EDN1: variants seen among roughly 807,000 people sequenced by gnomAD.
The protein encoded by EDN1 is endothelin-1.
A neutral mutation model predicts 21.7 loss-of-function variants in EDN1; 11 were observed. The ratio of observed to expected loss-of-function variants is 0.51; its 90% CI spans 0.32 to 0.84. The LOEUF is 0.84. Among genes scored for constraint, EDN1 ranks in the 40% least tolerant of loss-of-function variants. The pLI, the probability that EDN1 is intolerant of heterozygous loss-of-function variation, is 0.03. For missense variants in EDN1, 244 were observed against 262.3 expected (o/e 0.93, Z 0.48); for synonymous variants, 85 against 90.6 (o/e 0.94, Z 0.35).
chr6:12,272,298 G>A, the EDN1 span, among the ~76,000 whole-genome samples: 1 of 152,078 alleles, frequency 6.6e-6, no homozygotes, highest in East Asian at 1.9e-4. Flanking sequence ...GTGAGGAGTG[G>A]TGTGATGAGG....
chr6:12,272,292 G>A, the EDN1 span, among the ~76,000 whole-genome samples: 1 of 152,080 alleles, frequency 6.6e-6, no homozygotes, highest in Non-Finnish European at 1.5e-5. Context: ...TATAGGGTGA[G>A]GAGTGGTGTG....
At chr6:12,272,856 T>C in the EDN1 span, among the ~76,000 whole-genome samples, 1 of 152,218 alleles carries the variant, frequency 6.6e-6, no homozygotes, top group South Asian at 2.1e-4. Flanking sequence ...CAAAATGGAA[T>C]GTCAGGTGTG....
At chr6:12,264,994 A>G in the EDN1 span, among the ~76,000 whole-genome samples, 2 of 152,208 alleles carry the variant, frequency 1.3e-5, no homozygotes, top group Non-Finnish European at 2.9e-5. Context: ...ATTTATTTGA[A>G]GAGACAAGTC....
chr6:12,277,215 G>T, the EDN1 span, among the ~76,000 whole-genome samples: 2 of 152,198 alleles, frequency 1.3e-5, no homozygotes, highest in Non-Finnish European at 2.9e-5. Flanking sequence ...AATCCAATGA[G>T]TGGAAATGCT....
the EDN1 span, among the ~76,000 whole-genome samples, chr6:12,250,699 T>C: frequency 6.6e-6 from 1 of 152,214 alleles, no homozygotes; most frequent in Non-Finnish European, 1.5e-5. Flanking sequence ...TCTCCTTGTC[T>C]ACAATTTTTA....
chr6:12,287,053 G>T (rs181441872), upstream of EDN1, among the ~76,000 whole-genome samples: 1 of 151,946 alleles, frequency 6.6e-6, no homozygotes, highest in Non-Finnish European at 1.5e-5. Flanking sequence ...GGAGGTTGAG[G>T]CTGCAGTGAG....
the EDN1 span, among the ~76,000 whole-genome samples, chr6:12,284,789 A>AAGAG: frequency 4.6e-5 from 7 of 151,942 alleles, no homozygotes; most frequent in African/African-American, 1.7e-4. Flanking sequence ...GAAAGAAAGA[A>AAGAG]AGAAAGAAAC....
chr6:12,250,645 A>C, the EDN1 span, among the ~76,000 whole-genome samples: 1 of 152,232 alleles, frequency 6.6e-6, no homozygotes, highest in African/African-American at 2.4e-5. Context: ...TATAAAGGAA[A>C]AAAGATTTGA....
At chr6:12,275,732 C>CA in the EDN1 span, among the ~76,000 whole-genome samples, 3 of 151,946 alleles carry the variant, frequency 2.0e-5, no homozygotes, top group African/African-American at 7.3e-5. Context: ...TGTCTCCCTT[C>CA]TTAATTAGCT....
chr6:12,289,589 GA>G (rs1341272168), upstream of EDN1, among the ~76,000 whole-genome samples: 1 of 152,150 alleles, frequency 6.6e-6, no homozygotes, highest in Non-Finnish European at 1.5e-5. Context: ...AGTTCTGTGT[GA>G]AAAACACCTT....
chr6:12,276,070 G>A, the EDN1 span, among the ~76,000 whole-genome samples: 6 of 148,740 alleles, frequency 4.0e-5, no homozygotes, highest in East Asian at 6.0e-4. Flanking sequence ...GCTGAGGCAG[G>A]AGAATGGCGT....
the EDN1 span, among the ~76,000 whole-genome samples, chr6:12,242,300 A>G: frequency 6.6e-6 from 1 of 152,152 alleles, no homozygotes; most frequent in Non-Finnish European, 1.5e-5. Flanking sequence ...TGGTAGAGAG[A>G]TTTGACTCGC....
Position 12,292,609 on chromosome 6 carries a change from CCTT to C in EDN1, c.233+103_233+105del, listed in dbSNP as rs1404193057. 2.9e-6 allele frequency: 4 copies of C among 1,361,688 alleles called. No individual in the cohort carries two copies. In the South Asian group the frequency reaches 3.5e-5, roughly 12 times the overall value. 84.4% of individuals were successfully genotyped at this position (1,361,688 alleles called of 1,614,324 possible). A position where few individuals can be genotyped will look rare whatever the true frequency, so the allele number is the denominator to read the frequency against. ...CTTTTCTAGGGACTCTGAAGGTAGT[CCTT>C]CTAACACCATCCAAGTGCCTCAGTG... On this transcript the variant is annotated intron_variant, in intron 2 of 4. Coordinates refer to ENST00000379375, the MANE Select transcript of EDN1 (RefSeq NM_001955.5).
chr6:12,257,666 C>A, the EDN1 span, among the ~76,000 whole-genome samples: 1 of 152,028 alleles, frequency 6.6e-6, no homozygotes, highest in African/African-American at 2.4e-5. Flanking sequence ...ATAATTATGA[C>A]ACAGTGTATT....
At chr6:12,239,534 C>G in the EDN1 span, among the ~76,000 whole-genome samples, 1 of 152,152 alleles carries the variant, frequency 6.6e-6, no homozygotes, top group African/African-American at 2.4e-5. Context: ...CTTTTCTCAT[C>G]CCTACCTGCA....
chr6:12,295,888 A>C (rs1177006135), intron 4 of EDN1, 74 bp from the exon 5 acceptor site: 1 of 1,497,048 alleles, frequency 6.7e-7, no homozygotes, highest in African/African-American at 1.4e-5. Flanking sequence ...CCAGATTCTA[A>C]TTTTACATGT....
Position 12,296,274 on chromosome 6 carries a change from C to T in EDN1, c.*207C>T, listed in dbSNP as rs1762823659. On this transcript the variant is annotated 3_prime_UTR_variant, in exon 5 of 5. Transcript: ENST00000379375. ...CACTGGCTTCCATCAGTGGTAACTG[C>T]TTTGGTCTCTTCTTTCATCTGGGGA... 1.8e-6 allele frequency: 1 copy of T among 547,080 alleles called. No homozygotes were observed. The highest frequency in any genetic ancestry group is 1.9e-5 in the African/African-American group (1 of 52,824). 33.9% of individuals were successfully genotyped at this position (547,080 alleles called of 1,614,324 possible). A position where few individuals can be genotyped will look rare whatever the true frequency, so the allele number is the denominator to read the frequency against.
In EDN1 at chr6:12,294,438, T is replaced by G. The variant is rs146266399; in HGVS notation, c.533+34T>G. ...GAAGGAAGAAAAATTAGGTAAGAGG[T>G]TCACAAGAACAACTAGCCCCAGTCA... On this transcript the variant is annotated intron_variant, in intron 4 of 4. Coordinates refer to ENST00000379375, the MANE Select transcript of EDN1 (RefSeq NM_001955.5). The G allele has an allele frequency of 6.8e-6, 11 of 1,612,590 alleles. No homozygotes were observed. In the African/African-American group the frequency reaches 1.2e-4, roughly 18 times the overall value.
At chr6:12,285,696 G>A (rs937538109), upstream of EDN1, among the ~76,000 whole-genome samples, 1 of 152,112 alleles carries the variant, frequency 6.6e-6, no homozygotes, top group Non-Finnish European at 1.5e-5. Flanking sequence ...TCAGCCTCTT[G>A]AGTAGCTGGG....
Sources: allele counts gnomAD v4.1 joint callset (sites outside exome capture counted in the v4.1 genomes callset), GRCh38; gene constraint gnomAD v4.1.1; transcripts MANE v1.5; gene names NCBI Gene and HGNC (gene_info 2026-07-23, HGNC 2026-07-21).